SGCD: variants seen among roughly 807,000 people sequenced by gnomAD.
SGCD encodes the protein delta-sarcoglycan.
In SGCD, 18 loss-of-function variants were observed where a neutral mutation model predicts 36.6. The ratio of observed to expected loss-of-function variants is 0.49; its 90% CI spans 0.34 to 0.73. The LOEUF (loss-of-function observed/expected upper bound fraction) is 0.73. Ranked by LOEUF, SGCD falls within the 30% of genes least tolerant of loss-of-function variation. The pLI is 0.01. For missense variants in SGCD, 387 were observed against 346.7 expected, an observed-to-expected ratio of 1.12 and a Z score of -0.92; for synonymous variants, 133 against 130.6, an observed-to-expected ratio of 1.02 and a Z score of -0.12.
intron 3 of SGCD, among the ~76,000 whole-genome samples, chr5:156,230,044 T>C (rs1004246749): frequency 6.6e-6 from 1 of 152,210 alleles, no homozygotes; most frequent in Non-Finnish European, 1.5e-5. Context: ...GTCTATTCAT[T>C]GAATATTTCT....
chr5:155,763,679 G>C, the SGCD span, among the ~76,000 whole-genome samples: 4 of 152,174 alleles, frequency 2.6e-5, no homozygotes, highest in African/African-American at 9.7e-5. Context: ...TTGAGCCATT[G>C]ATGTGAATGA....
chr5:156,645,579 C>T (rs1248490099), intron 6 of SGCD, among the ~76,000 whole-genome samples: 2 of 152,160 alleles, frequency 1.3e-5, no homozygotes, highest in East Asian at 3.9e-4. Flanking sequence ...GGGACTTAAT[C>T]TGCTAAGGGA....
the SGCD span, among the ~76,000 whole-genome samples, chr5:155,821,355 C>T: frequency 6.6e-6 from 1 of 151,952 alleles, no homozygotes; most frequent in Non-Finnish European, 1.5e-5. Flanking sequence ...TCTCTGTTGC[C>T]CAGGCTGGAG....
chr5:155,774,267 A>G, the SGCD span, among the ~76,000 whole-genome samples: 2 of 152,070 alleles, frequency 1.3e-5, no homozygotes, highest in Non-Finnish European at 2.9e-5. Context: ...ATTTTCAGCA[A>G]TTTCTACCTG....
intron 3 of SGCD, among the ~76,000 whole-genome samples, chr5:156,187,078 G>A (rs1198870149): frequency 2.6e-5 from 4 of 152,106 alleles, no homozygotes; most frequent in African/African-American, 7.2e-5. Flanking sequence ...GGGGCAATGG[G>A]TAAAAGGGTG....
At chr5:156,738,790 C>T (rs1756510936) in intron 7 of SGCD, 1 of 152,204 alleles carries the variant, frequency 6.6e-6, no homozygotes, top group African/African-American at 2.4e-5. Context: ...GCTTCACCTA[C>T]ATTTCCACAT....
Position 156,472,223 on chromosome 5 carries a change from C to T in SGCD, c.193-36378C>T, listed in dbSNP as rs201399568. ...TTTTCTTAAAAAGCCAAATGTATAC[C>T]GATCTTATGACCCAGCAGCTAAAAG... is the stretch of plus-strand genomic sequence containing the variant. On this transcript the variant is annotated intron_variant, in intron 3 of 8. Transcript: ENST00000337851. 7.2e-5 allele frequency among the ~76,000 whole-genome samples: 11 copies of T among 152,148 alleles called. No individual in the cohort carries two copies. In the East Asian group the frequency reaches 1.7e-3, roughly 24 times the overall value.
At chr5:156,201,380 C>T (rs1219644456) in intron 3 of SGCD, among the ~76,000 whole-genome samples, 3 of 152,144 alleles carry the variant, frequency 2.0e-5, no homozygotes, top group Admixed American at 2.0e-4. Context: ...TTTGTGCAAG[C>T]TGTAGCCCAG....
intron 1 of SGCD, among the ~76,000 whole-genome samples, chr5:156,056,659 A>AAAAAAAAAAAAAAAAAAAAAC (rs1330447322): frequency 7.0e-6 from 1 of 141,890 alleles, no homozygotes; most frequent in African/African-American, 2.6e-5. Context: ...AAAAAAAAAA[A>AAAAAAAAAAAAAAAAAAAAAC]AAAAAACAGT....
chr5:156,665,070 TG>T (rs1764090207), intron 7 of SGCD, among the ~76,000 whole-genome samples: 1 of 151,562 alleles, frequency 6.6e-6, no homozygotes, highest in Non-Finnish European at 1.5e-5. Context: ...CCTGTGGTGC[TG>T]GGGGCATTCC....
intron 1 of SGCD, among the ~76,000 whole-genome samples, chr5:156,003,405 C>T (rs1156616383): frequency 1.3e-5 from 2 of 152,174 alleles, no homozygotes; most frequent in South Asian, 2.1e-4. Flanking sequence ...AGAGGTCATA[C>T]ATTCTTCATC....
At chr5:156,362,433 G>A (rs538801213) in intron 3 of SGCD, among the ~76,000 whole-genome samples, 194 of 152,326 alleles carry the variant, frequency 1.3e-3, no homozygotes, top group African/African-American at 4.4e-3. Context: ...GGATCATGAG[G>A]TCAAGAGACT....
chr5:156,384,005 G>A (rs1476708122), intron 3 of SGCD, among the ~76,000 whole-genome samples: 1 of 152,170 alleles, frequency 6.6e-6, no homozygotes, highest in Non-Finnish European at 1.5e-5. Context: ...GGTCCAGGCT[G>A]TTTAAATTGT....
the SGCD span, among the ~76,000 whole-genome samples, chr5:155,826,011 A>C: frequency 6.6e-6 from 1 of 152,206 alleles, no homozygotes. Context: ...TGGTCTCCCA[A>C]AGTGCTGGGA....
chr5:155,989,554 A>G (rs1330197522), intron 1 of SGCD, among the ~76,000 whole-genome samples: 1 of 152,084 alleles, frequency 6.6e-6, no homozygotes, highest in Non-Finnish European at 1.5e-5. Context: ...CTCCTTTCCA[A>G]TCAAAGACTG....
chr5:156,631,183 C>A (rs1723044863), intron 6 of SGCD, among the ~76,000 whole-genome samples: 1 of 152,150 alleles, frequency 6.6e-6, no homozygotes, highest in African/African-American at 2.4e-5. Context: ...TTTTTCAGGA[C>A]AACTTGGTAA....
In SGCD at chr5:156,509,449, A is replaced by G. The variant is rs576430087; in HGVS notation, c.294+747A>G. Among the ~76,000 whole-genome samples, 5 of 152,288 alleles carry G rather than the reference A, an allele frequency of 3.3e-5. No individual in the cohort carries two copies. The East Asian group carries it at 9.6e-4, about 29-fold the overall frequency. On this transcript the variant is annotated intron_variant, in intron 4 of 8. Transcript: ENST00000337851. ...CAAAAAAAAAATTAATTCAATATCAACAGCTACATTCTGAAATGGTATTTA... is the reference window on the plus strand; with the variant it reads ...CAAAAAAAAAATTAATTCAATATCAGCAGCTACATTCTGAAATGGTATTTA...
chr5:156,684,041 C>T (rs550020671), intron 7 of SGCD, among the ~76,000 whole-genome samples: 102 of 152,170 alleles, frequency 6.7e-4, no homozygotes, highest in Non-Finnish European at 1.1e-3. Flanking sequence ...AAGCCAGGGA[C>T]GAGGTTTGTC....
intron 7 of SGCD, among the ~76,000 whole-genome samples, chr5:156,756,826 G>A (rs1380150813): frequency 1.3e-5 from 2 of 150,822 alleles, no homozygotes; most frequent in African/African-American, 5.0e-5. Flanking sequence ...TCCCTTTGCA[G>A]TCAGACCACC....
Sources: gnomAD v4.1 joint callset for allele counts (sites outside exome capture counted in the v4.1 genomes callset) on GRCh38, gnomAD v4.1.1 for gene constraint, MANE v1.5 for transcripts, NCBI Gene and HGNC (gene_info 2026-07-23, HGNC 2026-07-21) for gene names.